Variants in FAXC observed in about 807,000 individuals in gnomAD.
The protein encoded by FAXC is failed axon connections homolog, metaxin like GST domain containing.
In FAXC, 10 loss-of-function variants were observed where a neutral mutation model predicts 41.9. The observed-to-expected ratio is 0.24, with a 90% CI of 0.15 to 0.41. FAXC has a LOEUF of 0.41. FAXC is among the 10% of genes least tolerant of loss of function. FAXC has a pLI of 1.00. For missense variants in FAXC, 399 were observed against 510.9 expected (o/e 0.78, Z 2.11); for synonymous variants, 183 against 183.8 (o/e 1.00, Z 0.03).
In FAXC at chr6:99,275,481, C is replaced by A. The variant is rs1247016438; in HGVS notation, c.*5683G>T. The A allele has an allele frequency of 6.6e-6, 1 of 152,168 alleles. No individual in the cohort carries two copies. The highest frequency in any genetic ancestry group is 2.4e-5 in the African/African-American group (1 of 41,432). The allele number at this position is 152,168 out of a possible 1,614,324, so 9.4% of individuals were successfully genotyped here. A position where few individuals can be genotyped will look rare whatever the true frequency, so the allele number is the denominator to read the frequency against. On this transcript the variant is annotated 3_prime_UTR_variant, in exon 6 of 6. Transcript: ENST00000389677. ...TACCAATTTTACAATTTAAGGCAAT[C>A]ATCCTTATGAAATTTGAGCATCCTA...
At chr6:99,304,959 A>G (rs1771858586) in intron 4 of FAXC, among the ~76,000 whole-genome samples, 1 of 152,228 alleles carries the variant, frequency 6.6e-6, no homozygotes, top group Non-Finnish European at 1.5e-5. Context: ...GTAAGTGGAA[A>G]TAAGTTTTGA....
chr6:99,333,241 C>A, intron 3 of FAXC, 110 bp downstream of exon 3: 1 of 949,614 alleles, frequency 1.1e-6, no homozygotes, highest in Non-Finnish European at 1.6e-6. Flanking sequence ...TCACTTCATC[C>A]GAAACTGTTA....
At position 99,274,790 on chromosome 6, in the gene FAXC, G is replaced by A. The variant is rs1365479806; in HGVS notation, c.*6374C>T. Reference sequence around the variant, plus strand: ...GTTAAAGATAAAAATACAATCATTTGGACATGGTTTATATTTTAATAAGCC... The same window carrying A: ...GTTAAAGATAAAAATACAATCATTTAGACATGGTTTATATTTTAATAAGCC... On this transcript the variant is annotated 3_prime_UTR_variant, in exon 6 of 6. Transcript: ENST00000389677. 6.6e-6 allele frequency: 1 copy of A among 152,118 alleles called. No individual in the cohort carries two copies. Among genetic ancestry groups the A allele is most frequent in the Non-Finnish European group, 1.5e-5 (1 of 68,018 alleles). 9.4% of individuals were successfully genotyped at this position (152,118 alleles called of 1,614,324 possible). A position where few individuals can be genotyped will look rare whatever the true frequency, so the allele number is the denominator to read the frequency against.
intron 4 of FAXC, among the ~76,000 whole-genome samples, chr6:99,306,006 G>A (rs557286711): frequency 7.2e-5 from 11 of 152,080 alleles, no homozygotes; most frequent in African/African-American, 2.2e-4. Context: ...TCAGCGCTAC[G>A]CAGAGAATTA....
At chr6:99,287,787 G>A (rs565945917) in intron 5 of FAXC, among the ~76,000 whole-genome samples, 97 of 152,118 alleles carry the variant, frequency 6.4e-4, no homozygotes, top group Non-Finnish European at 1.2e-3. Flanking sequence ...AGACAGCAAA[G>A]GCAGGGAAAG....
intron 2 of FAXC, among the ~76,000 whole-genome samples, chr6:99,338,019 C>A (rs1194079050): frequency 6.6e-6 from 1 of 152,172 alleles, no homozygotes; most frequent in African/African-American, 2.4e-5. Flanking sequence ...GAAATGAACT[C>A]CCCAGCACTC....
At chr6:99,329,696 T>C (rs970092214) in intron 3 of FAXC, among the ~76,000 whole-genome samples, 2 of 152,078 alleles carry the variant, frequency 1.3e-5, no homozygotes, top group Non-Finnish European at 2.9e-5. Context: ...AACAAAGTTA[T>C]AAACAGAAAG....
Position 99,272,516 on chromosome 6 carries a change from T to C in FAXC, c.*8648A>G, listed in dbSNP as rs899391397. Reference sequence around the variant, plus strand: ...TATACAAGGGGAAATTGGTCTATTATAAGGCCTAGCCATAGTAAAGGTCTC... The same window carrying C: ...TATACAAGGGGAAATTGGTCTATTACAAGGCCTAGCCATAGTAAAGGTCTC... On this transcript the variant is annotated 3_prime_UTR_variant, in exon 6 of 6. Coordinates refer to ENST00000389677, the MANE Select transcript of FAXC (RefSeq NM_032511.4). 3.3e-5 allele frequency: 5 copies of C among 152,184 alleles called. No individual in the cohort carries two copies. The highest frequency in any genetic ancestry group is 1.2e-4 in the African/African-American group (5 of 41,432). The allele number at this position is 152,184 out of a possible 1,614,324, so 9.4% of individuals were successfully genotyped here.
intron 2 of FAXC, among the ~76,000 whole-genome samples, chr6:99,342,084 T>A (rs914640591): frequency 5.3e-5 from 8 of 152,224 alleles, no homozygotes; most frequent in Middle Eastern, 3.2e-3. Context: ...AGTACACTCC[T>A]CTTCCTTATT....
chr6:99,318,306 C>CACAAAA (rs147852055), intron 4 of FAXC, among the ~76,000 whole-genome samples: 1,574 of 135,296 alleles, frequency 0.012, 39 homozygotes, highest in Non-Finnish European at 0.016. Flanking sequence ...CACACACACA[C>CACAAAA]AAAATAGAAG....
At chr6:99,292,147 G>A (rs1173617961) in intron 4 of FAXC, among the ~76,000 whole-genome samples, 1 of 152,156 alleles carries the variant, frequency 6.6e-6, no homozygotes, top group African/African-American at 2.4e-5. Context: ...AGTAAAGCCT[G>A]TGATGCTTAA....
chr6:99,273,255 A>G lies in FAXC; in HGVS notation c.*7909T>C, dbSNP rs1582597370. 1 of 152,136 alleles carries G rather than the reference A, an allele frequency of 6.6e-6. No homozygotes were observed. The highest frequency in any genetic ancestry group is 1.5e-5 in the Non-Finnish European group (1 of 68,036). The allele number at this position is 152,136 out of a possible 1,614,324, so 9.4% of individuals were successfully genotyped here. ...CGAAATGTGGGTTCAAATTATGCCA[A>G]CATTGGCCCTTCCTATCTCAGATAC... On this transcript the variant is annotated 3_prime_UTR_variant, in exon 6 of 6. Coordinates refer to ENST00000389677, the MANE Select transcript of FAXC (RefSeq NM_032511.4).
chr6:99,335,178 C>T (rs951835905), intron 2 of FAXC, among the ~76,000 whole-genome samples: 2 of 152,132 alleles, frequency 1.3e-5, no homozygotes, highest in East Asian at 1.9e-4. Flanking sequence ...TCTAGACCAC[C>T]CTTTCCCCTG....
chr6:99,316,919 T>C (rs546199539), intron 4 of FAXC, among the ~76,000 whole-genome samples: 38 of 152,302 alleles, frequency 2.5e-4, no homozygotes, highest in African/African-American at 9.1e-4. Context: ...AAGCAGCAAA[T>C]GATTCATTTT....
chr6:99,317,687 C>T (rs1772415865), intron 4 of FAXC, among the ~76,000 whole-genome samples: 1 of 152,112 alleles, frequency 6.6e-6, no homozygotes, highest in Admixed American at 6.6e-5. Context: ...GGGTGGTGTT[C>T]CTTTCACTTT....
At chr6:99,284,548 G>GT (rs781134251) in intron 5 of FAXC, among the ~76,000 whole-genome samples, 1 of 138,888 alleles carries the variant, frequency 7.2e-6, no homozygotes, top group Non-Finnish European at 1.5e-5. Context: ...GAAACAGGTT[G>GT]TGTGGAGTGT....
intron 5 of FAXC, among the ~76,000 whole-genome samples, chr6:99,288,781 G>A (rs1156504137): frequency 6.6e-6 from 1 of 151,824 alleles, no homozygotes; most frequent in African/African-American, 2.4e-5. Context: ...CCACCAATAA[G>A]AGGATCTGGA....
In FAXC at chr6:99,281,127, G is replaced by T; in HGVS notation, c.*37C>A. 3 of 961,196 alleles carry T rather than the reference G, an allele frequency of 3.1e-6. No individual in the cohort carries two copies. Among genetic ancestry groups the T allele is most frequent in the South Asian group, 1.3e-5 (1 of 75,260 alleles). 59.5% of individuals were successfully genotyped at this position (961,196 alleles called of 1,614,324 possible). On this transcript the variant is annotated 3_prime_UTR_variant, in exon 6 of 6. Transcript: ENST00000389677. ...GGGAAAATGGACCGACCCAGGGAGT[G>T]GCAGGTCCCAAGGAAGAGGGTCAGT...
chr6:99,337,687 T>A (rs1006228530), intron 2 of FAXC, among the ~76,000 whole-genome samples: 12 of 152,244 alleles, frequency 7.9e-5, no homozygotes, highest in Non-Finnish European at 1.8e-4. Flanking sequence ...TGCAATTTCC[T>A]ATAAGTCTAT....
Sources: allele counts gnomAD v4.1 joint callset (sites outside exome capture counted in the v4.1 genomes callset), GRCh38; gene constraint gnomAD v4.1.1; transcripts MANE v1.5; gene names NCBI Gene and HGNC (gene_info 2026-07-23, HGNC 2026-07-21).